The following SPATS2 variants were observed in gnomAD, a reference collection of about 807,000 sequenced individuals.
SPATS2 encodes spermatogenesis-associated serine-rich protein 2.
Under a neutral mutation model 63.7 loss-of-function variants are expected in SPATS2, and 38 were observed. That is an observed-to-expected ratio of 0.60 (90% confidence interval 0.46 to 0.78). SPATS2 has a LOEUF of 0.78. SPATS2 is among the 30% of genes least tolerant of loss of function. SPATS2 has a pLI of 0.00. For missense variants in SPATS2, 588 were observed against 666.2 expected, an observed-to-expected ratio of 0.88 and a Z score of 1.29; for synonymous variants, 207 against 232.9, an observed-to-expected ratio of 0.89 and a Z score of 1.01.
At chr12:49,474,309 G>A (rs1232270766) in intron 3 of SPATS2, among the ~76,000 whole-genome samples, 1 of 152,254 alleles carries the variant, frequency 6.6e-6, no homozygotes, top group East Asian at 1.9e-4. Context: ...TTCTAAGTCG[G>A]TTTAAGAAAA....
At chr12:49,498,141 AAAAAATAT>A in intron 8 of SPATS2, among the ~76,000 whole-genome samples, 1 of 74,322 alleles carries the variant, frequency 1.3e-5, no homozygotes, top group East Asian at 2.6e-4. Context: ...CCAAAAAAAA[AAAAAATAT>A]ATATATATAT....
chr12:49,509,226 G>A (rs1206516194), intron 9 of SPATS2, among the ~76,000 whole-genome samples: 1 of 149,394 alleles, frequency 6.7e-6, no homozygotes, highest in African/African-American at 2.5e-5. Context: ...TTACTCCATT[G>A]AAAGCCTGTC....
intron 2 of SPATS2, among the ~76,000 whole-genome samples, chr12:49,378,592 C>T (rs181673886): frequency 1.8e-4 from 27 of 151,928 alleles, no homozygotes; most frequent in East Asian, 5.8e-4. Context: ...CCACCACGCC[C>T]GGCCAATTTT....
intron 2 of SPATS2, among the ~76,000 whole-genome samples, chr12:49,379,585 C>T (rs756614018): frequency 1.3e-5 from 2 of 148,596 alleles, no homozygotes; most frequent in Admixed American, 6.7e-5. Context: ...AAAAATTAAC[C>T]GTTTTATGTC....
rs544642386 is a variant in SPATS2 at position 49,471,322 on chromosome 12, G to T, written c.25+10285G>T. Among the ~76,000 whole-genome samples, 33 of 152,176 alleles carry T rather than the reference G, an allele frequency of 2.2e-4. 1 individual carries two copies. The highest frequency in any genetic ancestry group is 7.0e-4 in the African/African-American group (29 of 41,520). On this transcript the variant is annotated intron_variant, in intron 3 of 13. Coordinates refer to ENST00000552918, the MANE Select transcript of SPATS2 (RefSeq NM_023071.4). ...GTAGTTCTCACCTGTTAGACCCATT[G>T]TTCCCTTTTTATTTATTTTTTATTA...
In SPATS2 at chr12:49,526,730, G is replaced by A. The variant is rs1158639484; in HGVS notation, c.*475G>A. On this transcript the variant is annotated 3_prime_UTR_variant, in exon 14 of 14. Coordinates refer to ENST00000552918, the MANE Select transcript of SPATS2 (RefSeq NM_023071.4). ...AAGGGAAAATTTAATTAGTGAAAAGGAAAGAACACTAGGAAACATTTGAGA... is the reference window on the plus strand; with the variant it reads ...AAGGGAAAATTTAATTAGTGAAAAGAAAAGAACACTAGGAAACATTTGAGA... The A allele has an allele frequency of 6.4e-6, 1 of 155,626 alleles. No individual in the cohort carries two copies. The highest frequency in any genetic ancestry group is 1.4e-5 in the Non-Finnish European group (1 of 70,346). The allele number at this position is 155,626 out of a possible 1,614,324, so 9.6% of individuals were successfully genotyped here. A position where few individuals can be genotyped will look rare whatever the true frequency, so the allele number is the denominator to read the frequency against.
At chr12:49,402,852 A>G (rs1264838048) in intron 2 of SPATS2, among the ~76,000 whole-genome samples, 2 of 152,214 alleles carry the variant, frequency 1.3e-5, no homozygotes, top group African/African-American at 2.4e-5. Context: ...GCCCTCTGGT[A>G]TAAGAGTGTG....
chr12:49,386,144 A>G (rs1319597443), intron 2 of SPATS2, among the ~76,000 whole-genome samples: 2 of 148,184 alleles, frequency 1.3e-5, no homozygotes, highest in African/African-American at 2.5e-5. Flanking sequence ...CTGGGATTAC[A>G]GGTGTGAGCC....
At chr12:49,452,801 A>G (rs1055591365) in intron 2 of SPATS2, among the ~76,000 whole-genome samples, 3 of 150,576 alleles carry the variant, frequency 2.0e-5, no homozygotes, top group South Asian at 2.1e-4. Context: ...AATAATTTCT[A>G]TCTCTTCGTT....
At chr12:49,429,935 C>G (rs1945152214) in intron 2 of SPATS2, among the ~76,000 whole-genome samples, 1 of 147,894 alleles carries the variant, frequency 6.8e-6, no homozygotes, top group Non-Finnish European at 1.5e-5. Context: ...GACGCGCCAT[C>G]ACGCCCAGCT....
chr12:49,502,152 C>T (rs1352248553), intron 9 of SPATS2, among the ~76,000 whole-genome samples: 1 of 152,162 alleles, frequency 6.6e-6, no homozygotes, highest in African/African-American at 2.4e-5. Flanking sequence ...TTCTTGCTGC[C>T]TGTAGACTGT....
intron 3 of SPATS2, among the ~76,000 whole-genome samples, chr12:49,468,973 C>A (rs762807695): frequency 6.6e-6 from 1 of 152,072 alleles, no homozygotes; most frequent in Non-Finnish European, 1.5e-5. Flanking sequence ...TAAAATAAGG[C>A]TGGGTACAGT....
chr12:49,519,300 T>C, intron 11 of SPATS2, 118 bp downstream of exon 11: 1 of 765,556 alleles, frequency 1.3e-6, no homozygotes. Flanking sequence ...TTCCCAAACC[T>C]GGCCCTCTTC....
At chr12:49,497,380 C>G (rs1398455893) in intron 8 of SPATS2, among the ~76,000 whole-genome samples, 5 of 150,986 alleles carry the variant, frequency 3.3e-5, no homozygotes, top group Non-Finnish European at 7.4e-5. Context: ...GCTCTACCTT[C>G]TCTGACATTG....
At chr12:49,471,295 C>A (rs1946030048) in intron 3 of SPATS2, among the ~76,000 whole-genome samples, 1 of 152,128 alleles carries the variant, frequency 6.6e-6, no homozygotes, top group Admixed American at 6.6e-5. Flanking sequence ...TCCTGTAACT[C>A]AGTAGTTCTC....
Position 49,373,275 on chromosome 12 carries a change from C to T in SPATS2, c.-244+1985C>T, listed in dbSNP as rs140945183. On this transcript the variant is annotated intron_variant, in intron 2 of 13. Coordinates refer to ENST00000552918, the MANE Select transcript of SPATS2 (RefSeq NM_023071.4). ...ATGCTTGAGCCACAGTGCCCAGCCT[C>T]ACATTGCATTTTCTAAATGTTACAT... is the stretch of plus-strand genomic sequence containing the variant. Among the ~76,000 whole-genome samples, 72 of 152,094 alleles carry T rather than the reference C, an allele frequency of 4.7e-4. No individual in the cohort carries two copies. The South Asian group carries it at 0.012, about 26-fold the overall frequency.
intron 3 of SPATS2, among the ~76,000 whole-genome samples, chr12:49,461,490 AG>A (rs1945821986): frequency 1.3e-5 from 2 of 152,228 alleles, no homozygotes; most frequent in Non-Finnish European, 2.9e-5. Flanking sequence ...AGGAAATAGA[AG>A]GGTAGTTATA....
At chr12:49,483,932 G>C (rs1946247755) in intron 3 of SPATS2, among the ~76,000 whole-genome samples, 1 of 152,210 alleles carries the variant, frequency 6.6e-6, no homozygotes, top group Non-Finnish European at 1.5e-5. Flanking sequence ...CAAAGCTATT[G>C]AGTGTTAAAG....
intron 2 of SPATS2, among the ~76,000 whole-genome samples, chr12:49,437,080 C>T (rs563193306): frequency 0.013 from 1,983 of 150,982 alleles, 42 homozygotes; most frequent in African/African-American, 0.045. Context: ...GACGGAGTGG[C>T]TGCCGGGCGG....
Sources: gnomAD v4.1 joint callset for allele counts (sites outside exome capture counted in the v4.1 genomes callset) on GRCh38, gnomAD v4.1.1 for gene constraint, MANE v1.5 for transcripts, NCBI Gene and HGNC (gene_info 2026-07-23, HGNC 2026-07-21) for gene names.